Variants in CFAP44 observed in about 807,000 individuals in gnomAD.
CFAP44 encodes the protein cilia and flagella associated protein 44, also known as cilia- and flagella-associated protein 44.
CFAP44 carries 134 observed loss-of-function variants against 216.2 expected under a neutral mutation model. The ratio of observed to expected loss-of-function variants is 0.62; its 90% CI spans 0.54 to 0.72. CFAP44 has a LOEUF of 0.72. Ranked by LOEUF, CFAP44 falls within the 30% of genes least tolerant of loss-of-function variation. The pLI, the probability that CFAP44 is intolerant of heterozygous loss-of-function variation, is 0.00. For synonymous variants in CFAP44, 700 were observed against 727.6 expected, an observed-to-expected ratio of 0.96 and a Z score of 0.61; for missense variants, 2,035 against 2,182.1, an observed-to-expected ratio of 0.93 and a Z score of 1.34.
intron 28 of CFAP44, among the ~76,000 whole-genome samples, chr3:113,310,240 G>C (rs1051883005): frequency 2.6e-5 from 4 of 152,090 alleles, no homozygotes; most frequent in African/African-American, 9.7e-5. Context: ...CAGTAATAAG[G>C]TACTCTCCCC....
At chr3:113,437,370 A>G (rs2107422364) in intron 1 of CFAP44, among the ~76,000 whole-genome samples, 1 of 152,348 alleles carries the variant, frequency 6.6e-6, no homozygotes, top group Non-Finnish European at 1.5e-5. Context: ...TTCACAAGAT[A>G]ATCATAAGGT....
chr3:113,406,577 T>A (rs965578982), intron 8 of CFAP44, among the ~76,000 whole-genome samples: 7 of 149,990 alleles, frequency 4.7e-5, no homozygotes, highest in African/African-American at 1.7e-4. Context: ...TGAGCGGAGA[T>A]CGCGCCACTG....
At chr3:113,400,225 A>G (rs368964911) in intron 12 of CFAP44, among the ~76,000 whole-genome samples, 2 of 152,188 alleles carry the variant, frequency 1.3e-5, no homozygotes, top group Admixed American at 6.5e-5. Context: ...TTCACCTTGC[A>G]TAGTCCATAT....
rs1949826567 is a variant in CFAP44 at position 113,291,296 on chromosome 3, C to T, written c.*261G>A. ...ATTTGCTGCAATCATGAAACACAGC[C>T]TTCCGAGACTTCATATTCAATCTAG... On this transcript the variant is annotated 3_prime_UTR_variant, in exon 35 of 35. Coordinates refer to ENST00000393845, the MANE Select transcript of CFAP44 (RefSeq NM_001164496.2). The T allele has an allele frequency of 2.5e-5, 8 of 322,922 alleles. No homozygotes were observed. In the Middle Eastern group the frequency reaches 2.6e-3, roughly 106 times the overall value. The allele number at this position is 322,922 out of a possible 1,614,324, so 20.0% of individuals were successfully genotyped here. A position where few individuals can be genotyped will look rare whatever the true frequency, so the allele number is the denominator to read the frequency against.
intron 28 of CFAP44, among the ~76,000 whole-genome samples, chr3:113,317,287 T>C (rs1427290512): frequency 2.0e-5 from 3 of 152,330 alleles, no homozygotes; most frequent in Admixed American, 1.3e-4. Flanking sequence ...CCTTTGTGCA[T>C]TGGGCAGCTC....
In CFAP44 at chr3:113,291,604, G is replaced by A. The variant is rs867035985; in HGVS notation, c.5518C>T (p.Pro1840Ser). ...LRRKGSLILP[P>S]IQSPREKEIQ... ...TCTTTCTCTCGTGGAGACTGAATGGGTGGGAGGATAAGACTGCCTTTCCTA... is the reference window on the plus strand; with the variant it reads ...TCTTTCTCTCGTGGAGACTGAATGGATGGGAGGATAAGACTGCCTTTCCTA... The change falls in exon 35 of 35, where the codon CCC (proline) becomes TCC (serine). Residue 1840 changes from proline to serine, a missense_variant. Pro to Ser is a moderately conservative substitution (Grantham distance 74). Transcript: ENST00000393845. 3 of 1,537,286 alleles carry A rather than the reference G, an allele frequency of 2.0e-6. No individual in the cohort carries two copies. The highest frequency in any genetic ancestry group is 1.7e-6 in the Non-Finnish European group (2 of 1,146,934).
intron 6 of CFAP44, among the ~76,000 whole-genome samples, chr3:113,413,937 A>T (rs550360843): frequency 6.6e-6 from 1 of 152,346 alleles, no homozygotes; most frequent in South Asian, 2.1e-4. Flanking sequence ...TTGAATCTAT[A>T]AATTACTTTG....
At chr3:113,346,582 C>A (rs924062981) in intron 22 of CFAP44, among the ~76,000 whole-genome samples, 11 of 151,814 alleles carry the variant, frequency 7.2e-5, no homozygotes, top group Non-Finnish European at 5.9e-5. Context: ...CACTCTGGGT[C>A]TAGCTACAGG....
rs563770309 is a variant in CFAP44, at chr3:113,396,602, A to T, written c.1695T>A (p.Ile565=). Residue 565 remains isoleucine, a synonymous_variant, in exon 14 of 35, where the codon ATT becomes ATA. Coordinates refer to ENST00000393845, the MANE Select transcript of CFAP44 (RefSeq NM_001164496.2). ...AGRKKILDAD[I]QLKQVFKPHT... is the part of the protein sequence containing the mutation. ...GGGGTTTGAAAACCTGTTTCAACTG[A>T]ATATCAGCATCCAAAATTTTCTTCC... The T allele has an allele frequency of 1.4e-5, 23 of 1,614,134 alleles. No individual in the cohort carries two copies. The South Asian group carries it at 2.0e-4, about 14-fold the overall frequency.
intron 4 of CFAP44, among the ~76,000 whole-genome samples, chr3:113,425,827 T>C (rs1053331974): frequency 6.6e-6 from 1 of 152,212 alleles, no homozygotes; most frequent in South Asian, 2.1e-4. Context: ...GAATTCAAGC[T>C]TCTTAGAATT....
At chr3:113,410,906 G>A (rs1046658378) in intron 6 of CFAP44, among the ~76,000 whole-genome samples, 13 of 152,174 alleles carry the variant, frequency 8.5e-5, no homozygotes, top group African/African-American at 1.4e-4. Context: ...CAGTGATGAT[G>A]AGCATTTTTT....
At chr3:113,430,633 A>C (rs1289699900) in intron 2 of CFAP44, among the ~76,000 whole-genome samples, 1 of 152,132 alleles carries the variant, frequency 6.6e-6, no homozygotes, top group Non-Finnish European at 1.5e-5. Flanking sequence ...AATTGCATGA[A>C]AGATACGAAC....
At chr3:113,416,721 T>G in intron 5 of CFAP44, 94 bp from the exon 6 acceptor site, 1 of 874,582 alleles carries the variant, frequency 1.1e-6, no homozygotes, top group Non-Finnish European at 1.7e-6. Flanking sequence ...TATTTCATAA[T>G]TTATTAGGCT....
intron 15 of CFAP44, among the ~76,000 whole-genome samples, chr3:113,386,984 T>C (rs564794076): frequency 1.3e-5 from 2 of 152,056 alleles, no homozygotes; most frequent in African/African-American, 4.8e-5. Flanking sequence ...ACAGACAGAG[T>C]ATTTAGACCA....
rs1949792092 is a variant in CFAP44, at chr3:113,288,094, G to GTA, written c.*3461_*3462dup. 1 of 152,188 alleles carries GTA rather than the reference G, an allele frequency of 6.6e-6. No homozygotes were observed. The highest frequency in any genetic ancestry group is 1.5e-5 in the Non-Finnish European group (1 of 68,036). 9.4% of individuals were successfully genotyped at this position (152,188 alleles called of 1,614,324 possible). On this transcript the variant is annotated 3_prime_UTR_variant, in exon 35 of 35. Transcript: ENST00000393845. ...GGGCTGGAGAGGGTGGGGGGAGCCTGTATTTTCTAGATTTCTGTAAAATTG... is the reference window on the plus strand; with the variant it reads ...GGGCTGGAGAGGGTGGGGGGAGCCTGTATATTTTCTAGATTTCTGTAAAATTG...
rs760555298 is a variant in CFAP44, at chr3:113,334,725, A to C, written c.3438-1142T>G. 3.3e-5 allele frequency among the ~76,000 whole-genome samples: 5 copies of C among 152,216 alleles called. No homozygotes were observed. In the South Asian group the frequency reaches 6.2e-4, roughly 19 times the overall value. On this transcript the variant is annotated intron_variant, in intron 24 of 34. Transcript: ENST00000393845. ...AACTTTCCCACCTACACACATACGAAACAGTGGCAATCTTTATATCCAGAC... is the reference window on the plus strand; with the variant it reads ...AACTTTCCCACCTACACACATACGACACAGTGGCAATCTTTATATCCAGAC...
intron 10 of CFAP44, 45 bp downstream of exon 10, chr3:113,401,539 G>T: frequency 3.8e-6 from 6 of 1,599,262 alleles, no homozygotes; most frequent in Non-Finnish European, 5.1e-6. Context: ...TTTAATTTTT[G>T]GTCCATGTAA....
At chr3:113,419,774 G>GC (rs1347397486) in intron 5 of CFAP44, among the ~76,000 whole-genome samples, 1 of 152,112 alleles carries the variant, frequency 6.6e-6, no homozygotes, top group African/African-American at 2.4e-5. Context: ...ACCTCTATAA[G>GC]CCCATTTCCT....
At chr3:113,414,116 T>C (rs574321932) in intron 6 of CFAP44, among the ~76,000 whole-genome samples, 5 of 152,300 alleles carry the variant, frequency 3.3e-5, no homozygotes, top group African/African-American at 1.2e-4. Flanking sequence ...ATTCTCTTTG[T>C]AGTGATTGTG....
Sources: allele counts gnomAD v4.1 joint callset (sites outside exome capture counted in the v4.1 genomes callset), GRCh38; gene constraint gnomAD v4.1.1; transcripts MANE v1.5; gene names NCBI Gene and HGNC (gene_info 2026-07-23, HGNC 2026-07-21).